The following DOCK3 variants were observed in gnomAD, a reference collection of about 807,000 sequenced individuals.
DOCK3 encodes dedicator of cytokinesis 3, also known as dedicator of cytokinesis protein 3.
Under a neutral mutation model 265.6 loss-of-function variants are expected in DOCK3, and 60 were observed. The ratio of observed to expected loss-of-function variants is 0.23; its 90% CI spans 0.18 to 0.28. DOCK3 has a LOEUF of 0.28. Among genes scored for constraint, DOCK3 ranks in the 10% least tolerant of loss-of-function variants. The probability of loss-of-function intolerance (pLI) is 1.00; values close to 1 mark genes in which losing one functional copy is unlikely to be tolerated. For synonymous variants in DOCK3, 881 were observed against 938.0 expected (o/e 0.94, Z 1.11); for missense variants, 1,981 against 2,594.3 (o/e 0.76, Z 5.14).
At chr3:50,722,539 CT>C (rs1453409632) in intron 1 of DOCK3, among the ~76,000 whole-genome samples, 1 of 152,242 alleles carries the variant, frequency 6.6e-6, no homozygotes, top group African/African-American at 2.4e-5. Flanking sequence ...CTCTACTGTT[CT>C]TTTACACAGT....
chr3:51,151,167 G>A (rs2085568598), intron 10 of DOCK3, among the ~76,000 whole-genome samples: 1 of 151,450 alleles, frequency 6.6e-6, no homozygotes, highest in South Asian at 2.1e-4. Flanking sequence ...TTGCTTGGTA[G>A]ATCTTCCTCC....
chr3:50,694,400 C>T (rs1241711425), intron 1 of DOCK3, among the ~76,000 whole-genome samples: 4 of 152,158 alleles, frequency 2.6e-5, no homozygotes, highest in Non-Finnish European at 5.9e-5. Flanking sequence ...TTCAGGATAG[C>T]CAATTAAATT....
At chr3:50,851,517 T>G (rs2046357521) in intron 3 of DOCK3, among the ~76,000 whole-genome samples, 1 of 152,186 alleles carries the variant, frequency 6.6e-6, no homozygotes, top group South Asian at 2.1e-4. Flanking sequence ...TAGCACAGGC[T>G]GCTGGTCTAG....
At chr3:51,268,156 C>CA (rs999939718) in intron 23 of DOCK3, among the ~76,000 whole-genome samples, 3 of 151,752 alleles carry the variant, frequency 2.0e-5, no homozygotes, top group Non-Finnish European at 2.9e-5. Flanking sequence ...ATTAAAACTT[C>CA]AAAAAAAGAT....
At chr3:51,110,504 A>G (rs2083468653) in intron 9 of DOCK3, among the ~76,000 whole-genome samples, 1 of 152,230 alleles carries the variant, frequency 6.6e-6, no homozygotes. Context: ...AGTAGGCTTT[A>G]TCTCTGGTAT....
chr3:51,304,974 T>C (rs560617604), intron 27 of DOCK3, among the ~76,000 whole-genome samples: 3 of 152,360 alleles, frequency 2.0e-5, no homozygotes, highest in Non-Finnish European at 2.9e-5. Flanking sequence ...ACATATGATC[T>C]GTCCTAGAGA....
Position 50,956,853 on chromosome 3 carries a change from G to GTATTT in DOCK3, c.315+22798_315+22802dup, listed in dbSNP as rs143060896. On this transcript the variant is annotated intron_variant, in intron 5 of 52. Transcript: ENST00000266037. Reference sequence around the variant, plus strand: ...AAAAATGGAAAAGTGGATGAGTATTGTATTTTATTTTATTTTATTTTATTT... The same window carrying GTATTT: ...AAAAATGGAAAAGTGGATGAGTATTGTATTTTATTTTATTTTATTTTATTTTATTT... Among the ~76,000 whole-genome samples, 835 of 152,166 alleles carry GTATTT rather than the reference G, an allele frequency of 5.5e-3. 8 individuals carry two copies. The highest frequency in any genetic ancestry group is 0.017 in the African/African-American group (726 of 41,522).
intron 26 of DOCK3, among the ~76,000 whole-genome samples, chr3:51,279,333 T>C (rs2080991015): frequency 6.6e-6 from 1 of 152,180 alleles, no homozygotes; most frequent in Non-Finnish European, 1.5e-5. Context: ...CTCATGAGTT[T>C]ATAAACATTT....
At chr3:51,079,673 T>A (rs2082163044) in intron 7 of DOCK3, among the ~76,000 whole-genome samples, 1 of 152,110 alleles carries the variant, frequency 6.6e-6, no homozygotes, top group East Asian at 1.9e-4. Flanking sequence ...TTCTTTATGA[T>A]GAAAACCAGA....
At position 50,963,891 on chromosome 3, in the gene DOCK3, A is replaced by G. The variant is rs2076956713; in HGVS notation, c.315+29814A>G. Reference sequence around the variant, plus strand: ...CCGGACACAGTACTGAAGAGGAGAGAGCTTCAAGAGACCTAGAGATCTGTA... The same window carrying G: ...CCGGACACAGTACTGAAGAGGAGAGGGCTTCAAGAGACCTAGAGATCTGTA... On this transcript the variant is annotated intron_variant, in intron 5 of 52. Transcript: ENST00000266037. Among the ~76,000 whole-genome samples the G allele has an allele frequency of 2.6e-5, 4 of 152,134 alleles. No individual in the cohort carries two copies. The South Asian group carries it at 8.3e-4, about 32-fold the overall frequency.
intron 1 of DOCK3, among the ~76,000 whole-genome samples, chr3:50,758,156 C>T (rs564161743): frequency 1.4e-3 from 150 of 106,926 alleles, no homozygotes; most frequent in African/African-American, 4.9e-3. Context: ...CCAGTCTGGG[C>T]GACAGAGCGA....
chr3:51,009,922 G>A (rs182752108), intron 5 of DOCK3, among the ~76,000 whole-genome samples: 1 of 152,296 alleles, frequency 6.6e-6, no homozygotes, highest in African/African-American at 2.4e-5. Context: ...ATGTAGTTGA[G>A]CAGTTTTGAG....
At chr3:50,772,613 A>G (rs1246093431) in intron 1 of DOCK3, among the ~76,000 whole-genome samples, 2 of 152,192 alleles carry the variant, frequency 1.3e-5, no homozygotes, top group African/African-American at 2.4e-5. Context: ...ACATAAATTA[A>G]CATATAAAAT....
At chr3:51,221,809 A>G (rs541535261) in intron 14 of DOCK3, among the ~76,000 whole-genome samples, 1 of 152,270 alleles carries the variant, frequency 6.6e-6, no homozygotes, top group Non-Finnish European at 1.5e-5. Flanking sequence ...GGTCCTTCCT[A>G]AAGGAGAGAC....
At chr3:50,766,091 C>A (rs2040855089) in intron 1 of DOCK3, among the ~76,000 whole-genome samples, 1 of 152,116 alleles carries the variant, frequency 6.6e-6, no homozygotes, top group Non-Finnish European at 1.5e-5. Flanking sequence ...TCGCAAGTGA[C>A]AGGATTTCAT....
At position 50,766,134 on chromosome 3, in the gene DOCK3, T is replaced by A. The variant is rs144955874; in HGVS notation, c.38-12541T>A. Among the ~76,000 whole-genome samples, 266 of 152,316 alleles carry A rather than the reference T, an allele frequency of 1.7e-3. No homozygotes were observed. In the East Asian group the frequency reaches 0.021, roughly 12 times the overall value. On this transcript the variant is annotated intron_variant, in intron 1 of 52. Coordinates refer to ENST00000266037, the MANE Select transcript of DOCK3 (RefSeq NM_004947.5). ...TTATGGCTGAATAGTATTCTTTTTT[T>A]AAATATGCTTTAAGTTCTAGGGTAC...
chr3:51,342,566 G>A (rs1030523303), intron 38 of DOCK3, among the ~76,000 whole-genome samples: 22 of 152,310 alleles, frequency 1.4e-4, no homozygotes, highest in African/African-American at 4.8e-4. Flanking sequence ...TGACATAAGC[G>A]TGGTGTGAGT....
At chr3:51,258,660 G>T (rs1165745093) in intron 22 of DOCK3, among the ~76,000 whole-genome samples, 1 of 152,056 alleles carries the variant, frequency 6.6e-6, no homozygotes, top group African/African-American at 2.4e-5. Context: ...GCTGCTCCAA[G>T]AAGTTCTGTT....
intron 5 of DOCK3, among the ~76,000 whole-genome samples, chr3:51,000,765 G>C (rs2078454827): frequency 6.6e-6 from 1 of 152,150 alleles, no homozygotes; most frequent in Admixed American, 6.5e-5. Context: ...CGATTCTCCT[G>C]CCTCAGCCTC....
Sources: allele counts gnomAD v4.1 joint callset (sites outside exome capture counted in the v4.1 genomes callset), GRCh38; gene constraint gnomAD v4.1.1; transcripts MANE v1.5; gene names NCBI Gene and HGNC (gene_info 2026-07-23, HGNC 2026-07-21).